The following TFRC variants were observed in gnomAD, a reference collection of about 807,000 sequenced individuals.
TFRC encodes the protein transferrin receptor protein 1.
A neutral mutation model predicts 85.8 loss-of-function variants in TFRC; 35 were observed. The observed-to-expected ratio is 0.41, with a 90% confidence interval of 0.31 to 0.54. The LOEUF is 0.54. TFRC is among the 20% of genes least tolerant of loss of function. The pLI is 0.31. For synonymous variants in TFRC, 362 were observed against 328.6 expected (o/e 1.10, Z -1.10); for missense variants, 828 against 921.5 (o/e 0.90, Z 1.31).
Position 196,068,076 on chromosome 3 carries a change from T to G in TFRC, c.856A>C (p.Thr286Pro). The G allele has an allele frequency of 6.2e-7, 1 of 1,613,558 alleles. No individual in the cohort carries two copies. The highest frequency in any genetic ancestry group is 1.1e-5 in the South Asian group (1 of 90,848). The change falls in exon 8 of 19, where the codon ACT (threonine) becomes CCT (proline). Residue 286 changes from threonine (T) to proline (P), a missense_variant. Transcript: ENST00000360110. ...AIGVLIYMDQ[T>P]KFPIVNAELS... is the part of the protein sequence containing the mutation. ...TCTGCGTTAACAATGGGAAATTTAG[T>G]CTGGTCCATGTATATCAACACACCA...
chr3:196,065,634 A>G, intron 9 of TFRC, 34 bp from the exon 10 acceptor site: 3 of 1,570,242 alleles, frequency 1.9e-6, no homozygotes, highest in Non-Finnish European at 2.6e-6. Flanking sequence ...GTTCTGAGTT[A>G]TTGTTCCTTG....
intron 6 of TFRC, among the ~76,000 whole-genome samples, chr3:196,070,110 C>CT (rs1360621848): frequency 6.6e-6 from 1 of 152,148 alleles, no homozygotes; most frequent in Non-Finnish European, 1.5e-5. Context: ...CTTCAATGTT[C>CT]TTTAACAGAA....
At chr3:196,071,282 T>C (rs2108652750) in intron 6 of TFRC, 114 bp downstream of exon 6, 1 of 1,009,216 alleles carries the variant, frequency 9.9e-7, no homozygotes, top group Non-Finnish European at 1.5e-6. Context: ...AAAACCAAAA[T>C]ATCTCATGAT....
rs768237859 is a variant in TFRC at position 196,067,506 on chromosome 3, A to G, written c.1040+12T>C. 6.2e-7 allele frequency: 1 copy of G among 1,612,762 alleles called. No individual in the cohort carries two copies. Among genetic ancestry groups the G allele is most frequent in the Non-Finnish European group, 8.5e-7 (1 of 1,179,364 alleles). On this transcript the variant is annotated intron_variant, in intron 9 of 18. Coordinates refer to ENST00000360110, the MANE Select transcript of TFRC (RefSeq NM_001128148.3). ...CCTCACTATGCAAGACCGCTTTCAA[A>G]TAAAAACTTACCCAAACAGCTTTTC...
intron 8 of TFRC, 124 bp downstream of exon 8, chr3:196,067,908 T>A: frequency 1.2e-6 from 1 of 805,992 alleles, no homozygotes; most frequent in Non-Finnish European, 2.0e-6. Context: ...TCTTCTTGCT[T>A]ACTGCTAACG....
rs146482050 is a variant in TFRC, at chr3:196,063,841, C to T, written c.1318+468G>A. Among the ~76,000 whole-genome samples the T allele has an allele frequency of 3.9e-3, 586 of 152,186 alleles. 2 individuals are homozygous for T. The highest frequency in any genetic ancestry group is 0.013 in the African/African-American group (547 of 41,504). Reference sequence around the variant, plus strand: ...CTGAGGCAGGAGAATTGCTTGAAGTCGGGAGGCAGAGGTTGCAGTGAGCTA... The same window carrying T: ...CTGAGGCAGGAGAATTGCTTGAAGTTGGGAGGCAGAGGTTGCAGTGAGCTA... On this transcript the variant is annotated intron_variant, in intron 11 of 18. Coordinates refer to ENST00000360110, the MANE Select transcript of TFRC (RefSeq NM_001128148.3).
chr3:196,071,566 A>C, intron 5 of TFRC, 68 bp from the exon 6 acceptor site: 1 of 1,431,222 alleles, frequency 7.0e-7, no homozygotes, highest in Non-Finnish European at 9.8e-7. Context: ...GCTTACATTT[A>C]GTATGTCTTG....
intron 7 of TFRC, among the ~76,000 whole-genome samples, chr3:196,068,610 C>CAAAA (rs55807772): frequency 2.1e-3 from 86 of 41,826 alleles, no homozygotes; most frequent in African/African-American, 4.2e-3. Context: ...AACTCCCTCT[C>CAAAA]AAAAAAAAAA....
At chr3:196,077,522 T>G (rs1718807449) in intron 1 of TFRC, among the ~76,000 whole-genome samples, 1 of 150,730 alleles carries the variant, frequency 6.6e-6, no homozygotes, top group Non-Finnish European at 1.5e-5. Flanking sequence ...GAGGCTGAGA[T>G]GGGTGGATCA....
At chr3:196,067,417 T>C in intron 9 of TFRC, 101 bp downstream of exon 9, 1 of 1,325,912 alleles carries the variant, frequency 7.5e-7, no homozygotes, top group Non-Finnish European at 1.0e-6. Flanking sequence ...TTCCCAAATG[T>C]GGAAAATTAT....
chr3:196,080,702 G>A (rs1336287477), intron 1 of TFRC, among the ~76,000 whole-genome samples: 6 of 152,234 alleles, frequency 3.9e-5, no homozygotes, highest in African/African-American at 1.4e-4. Context: ...TAGGTTTACA[G>A]CCACCATTAC....
intron 2 of TFRC, among the ~76,000 whole-genome samples, chr3:196,076,324 T>A (rs74800261): frequency 0.12 from 17,666 of 152,002 alleles, 1,387 homozygotes; most frequent in Middle Eastern, 0.21. Flanking sequence ...ATTTTTTTTT[T>A]AATAGAGATG....
chr3:196,079,925 C>T (rs759853045), intron 1 of TFRC, among the ~76,000 whole-genome samples: 2 of 152,194 alleles, frequency 1.3e-5, no homozygotes, highest in African/African-American at 2.4e-5. Flanking sequence ...CCTTCTCTGA[C>T]TGACTTCCCT....
Position 196,065,548 on chromosome 3 carries a change from T to C in TFRC, c.1093A>G (p.Met365Val), listed in dbSNP as rs369127399. 1 of 1,612,100 alleles carries C rather than the reference T, an allele frequency of 6.2e-7. No homozygotes were observed. The highest frequency in any genetic ancestry group is 1.7e-5 in the Admixed American group (1 of 59,818). ...SDWKTDSTCR[M>V]VTSESKNVKL... ...ACATTCTTGCTTTCTGAGGTTACCA[T>C]CCTACATGTAGAGTCTGTTTTCCAG... Residue 365 changes from methionine (M) to valine (V), a missense_variant, in exon 10 of 19, where the codon ATG becomes GTG. Met to Val is a conservative substitution (Grantham distance 21, BLOSUM62 1). Transcript: ENST00000360110.
At chr3:196,075,883 T>TGG (rs11391478) in intron 2 of TFRC, among the ~76,000 whole-genome samples, 162 of 150,018 alleles carry the variant, frequency 1.1e-3, no homozygotes, top group South Asian at 1.5e-3. Flanking sequence ...CCCAGCACTC[T>TGG]GGGGGGGGCC....
rs1006096745 is a variant in TFRC at position 196,075,186 on chromosome 3, T to C, written c.211A>G (p.Ile71Val). The change falls in exon 3 of 19, where the codon ATT becomes GTT. Residue 71 changes from isoleucine (I) to valine (V), a missense_variant. Ile to Val is a conservative substitution (Grantham distance 29). Transcript: ENST00000360110. ...ATCAAGAAAAAGACGATCACAGCAA[T>C]AGTCCCATAGCAGATACTTCCACTA... ...RCSGSICYGTIAVIVFFLIGF... is the reference protein window; with the variant it reads ...RCSGSICYGTVAVIVFFLIGF... 6 of 1,613,486 alleles carry C rather than the reference T, an allele frequency of 3.7e-6. No individual in the cohort carries two copies. Among genetic ancestry groups the C allele is most frequent in the Non-Finnish European group, 3.4e-6 (4 of 1,179,872 alleles).
chr3:196,072,300 AG>A, intron 4 of TFRC, 148 bp from the exon 5 acceptor site: 5 of 1,121,572 alleles, frequency 4.5e-6, no homozygotes, highest in Non-Finnish European at 4.9e-6. Context: ...TAGACTGACC[AG>A]AATATCACAA....
chr3:196,080,597 A>G (rs1719086989), intron 1 of TFRC, among the ~76,000 whole-genome samples: 1 of 152,246 alleles, frequency 6.6e-6, no homozygotes, highest in South Asian at 2.1e-4. Context: ...ATCTTGCTCC[A>G]TGACATTTAA....
Position 196,068,096 on chromosome 3 carries a change from A to C in TFRC, c.836T>G (p.Val279Gly). The C allele has an allele frequency of 6.2e-7, 1 of 1,613,072 alleles. No individual in the cohort carries two copies. Among genetic ancestry groups the C allele is most frequent in the Non-Finnish European group, 8.5e-7 (1 of 1,179,742 alleles). ...ANAESLNAIG[V>G]LIYMDQTKFP... The stretch of plus-strand genomic sequence containing the variant: ...TTTAGTCTGGTCCATGTATATCAAC[A>C]CACCAATTGCATTTAAGCTTTCAGC... Residue 279 changes from valine (V) to glycine (G), a missense_variant, in exon 8 of 19, where the codon GTG (valine) becomes GGG (glycine). Transcript: ENST00000360110.
Sources: gnomAD v4.1 joint callset for allele counts (sites outside exome capture counted in the v4.1 genomes callset) on GRCh38, gnomAD v4.1.1 for gene constraint, MANE v1.5 for transcripts, NCBI Gene and HGNC (gene_info 2026-07-23, HGNC 2026-07-21) for gene names.